Variants in CEP128 observed in about 807,000 individuals in gnomAD.
The protein encoded by CEP128 is centrosomal protein 128, also known as centrosomal protein 128kDa.
A neutral mutation model predicts 156.7 loss-of-function variants in CEP128; 132 were observed. The observed-to-expected ratio is 0.84, with a 90% CI of 0.73 to 0.97. The LOEUF (loss-of-function observed/expected upper bound fraction) is 0.97, where lower values mean the gene tolerates loss of function less well. CEP128 is among the 50% of genes least tolerant of loss of function. CEP128 has a pLI of 0.00. For synonymous variants in CEP128, 469 were observed against 448.9 expected (o/e 1.04, Z -0.57); for missense variants, 1,252 against 1,281.9 (o/e 0.98, Z 0.36).
In CEP128 at chr14:80,667,170, AG is replaced by A. The variant is rs996280245; in HGVS notation, c.2806+75904del. 6.6e-5 allele frequency among the ~76,000 whole-genome samples: 10 copies of A among 152,308 alleles called. No homozygotes were observed. The South Asian group carries it at 1.5e-3, about 22-fold the overall frequency. On this transcript the variant is annotated intron_variant, in intron 19 of 24. Transcript: ENST00000555265. ...CTCATTCCAGTAGAGAAAGGGACAC[AG>A]GACCTTTGGTTAAAGCCAGGAGCTT...
At chr14:80,479,300 A>G (rs913190212) in intron 14 of CEP128, among the ~76,000 whole-genome samples, 1 of 152,214 alleles carries the variant, frequency 6.6e-6, no homozygotes, top group Non-Finnish European at 1.5e-5. Flanking sequence ...ATTGAATAAA[A>G]CATTGAAAAA....
intron 2 of CEP128, among the ~76,000 whole-genome samples, chr14:80,938,989 A>T (rs1885995428): frequency 6.6e-6 from 1 of 152,196 alleles, no homozygotes; most frequent in South Asian, 2.1e-4. Flanking sequence ...GGGAACAATG[A>T]TCACTCTTTT....
intron 23 of CEP128, among the ~76,000 whole-genome samples, chr14:80,514,154 G>T (rs752177982): frequency 6.6e-6 from 1 of 152,116 alleles, no homozygotes; most frequent in African/African-American, 2.4e-5. Context: ...TAGCCTGGAA[G>T]CCCCTGCTTT....
intron 9 of CEP128, among the ~76,000 whole-genome samples, chr14:80,848,366 T>C (rs1886712741): frequency 6.6e-6 from 1 of 151,890 alleles, no homozygotes; most frequent in South Asian, 2.1e-4. Context: ...AGAACAACAA[T>C]AGAAAATTAG....
At chr14:80,509,758 G>A (rs1312645776) in intron 23 of CEP128, among the ~76,000 whole-genome samples, 4 of 152,076 alleles carry the variant, frequency 2.6e-5, no homozygotes, top group African/African-American at 9.7e-5. Context: ...TTCATAATTT[G>A]AGGTCATCTA....
intron 10 of CEP128, among the ~76,000 whole-genome samples, chr14:80,840,072 A>G (rs534868436): frequency 2.0e-4 from 31 of 152,194 alleles, no homozygotes; most frequent in Non-Finnish European, 3.4e-4. Flanking sequence ...GGTAGAAAAA[A>G]GCAATAATAC....
intron 9 of CEP128, among the ~76,000 whole-genome samples, chr14:80,846,646 G>C (rs1254120082): frequency 6.6e-6 from 1 of 152,118 alleles, no homozygotes. Context: ...GAACTGAATG[G>C]AGCAGAAAGT....
At chr14:80,806,317 T>C (rs1884173469) in intron 13 of CEP128, among the ~76,000 whole-genome samples, 1 of 152,178 alleles carries the variant, frequency 6.6e-6, no homozygotes, top group Admixed American at 6.5e-5. Context: ...TTAAATACAC[T>C]CATCTCTTTG....
intron 19 of CEP128, among the ~76,000 whole-genome samples, chr14:80,695,259 T>A (rs1451771241): frequency 6.6e-6 from 1 of 152,058 alleles, no homozygotes; most frequent in Non-Finnish European, 1.5e-5. Flanking sequence ...TTGGGAAACA[T>A]CTGCTCAGAA....
chr14:80,904,411 A>G (rs1883765465), intron 6 of CEP128, among the ~76,000 whole-genome samples: 1 of 152,136 alleles, frequency 6.6e-6, no homozygotes, highest in Non-Finnish European at 1.5e-5. Flanking sequence ...GACAGGAGGA[A>G]TAGGTTTTGA....
intron 13 of CEP128, among the ~76,000 whole-genome samples, chr14:80,816,297 C>T (rs1884852823): frequency 6.6e-6 from 1 of 152,168 alleles, no homozygotes; most frequent in Non-Finnish European, 1.5e-5. Context: ...TATAGGGCTA[C>T]AGATTCACCC....
chr14:80,831,516 T>C (rs193102138), intron 12 of CEP128, among the ~76,000 whole-genome samples: 4 of 152,182 alleles, frequency 2.6e-5, no homozygotes, highest in Admixed American at 2.6e-4. Context: ...ATACTAAAAC[T>C]TAAAATGTTA....
intron 21 of CEP128, among the ~76,000 whole-genome samples, chr14:80,537,846 G>A (rs183204434): frequency 5.3e-5 from 8 of 152,082 alleles, no homozygotes; most frequent in East Asian, 3.9e-4. Context: ...GAACAGAGGC[G>A]GAATATATGC....
chr14:80,753,870 T>C (rs1899510596), intron 18 of CEP128, among the ~76,000 whole-genome samples: 1 of 152,180 alleles, frequency 6.6e-6, no homozygotes, highest in Non-Finnish European at 1.5e-5. Context: ...GAATATAACA[T>C]CTCTCATCAT....
intron 19 of CEP128, among the ~76,000 whole-genome samples, chr14:80,733,364 G>C (rs1386077396): frequency 6.6e-6 from 1 of 151,436 alleles, no homozygotes; most frequent in Admixed American, 6.6e-5. Context: ...GTGTGTGTGT[G>C]TGTGTGTGTG....
At chr14:80,773,326 A>C (rs900042205) in intron 16 of CEP128, among the ~76,000 whole-genome samples, 3 of 152,146 alleles carry the variant, frequency 2.0e-5, no homozygotes, top group Non-Finnish European at 4.4e-5. Context: ...AATTTTTCTC[A>C]TTGTATATAA....
intron 13 of CEP128, chr14:80,830,157 C>T (rs148396635): frequency 7.6e-6 from 4 of 529,262 alleles, no homozygotes; most frequent in Non-Finnish European, 1.4e-5. Flanking sequence ...ATTACCATTG[C>T]TCTGAGACAA....
At chr14:80,893,244 T>C (rs1328054784) in intron 8 of CEP128, among the ~76,000 whole-genome samples, 1 of 151,884 alleles carries the variant, frequency 6.6e-6, no homozygotes, top group Non-Finnish European at 1.5e-5. Flanking sequence ...AAATATTGCA[T>C]GATCTCACTA....
intron 3 of CEP128, among the ~76,000 whole-genome samples, chr14:80,915,139 C>T (rs1374419742): frequency 6.6e-6 from 1 of 152,076 alleles, no homozygotes; most frequent in East Asian, 1.9e-4. Flanking sequence ...GCAGCCTCAG[C>T]TTCCTGGGCT....
Sources: allele counts gnomAD v4.1 joint callset (sites outside exome capture counted in the v4.1 genomes callset), GRCh38; gene constraint gnomAD v4.1.1; transcripts MANE v1.5; gene names NCBI Gene and HGNC (gene_info 2026-07-23, HGNC 2026-07-21).